Variants in MEF2C observed in about 807,000 individuals in gnomAD.
The protein encoded by MEF2C is myocyte enhancer factor 2C.
Under a neutral mutation model 50.5 loss-of-function variants are expected in MEF2C, and 6 were observed. That is an observed-to-expected ratio of 0.12 (90% CI 0.07 to 0.23). The LOEUF (loss-of-function observed/expected upper bound fraction) is 0.23, where lower values mean the gene tolerates loss of function less well. Ranked by LOEUF, MEF2C falls within the 10% of genes least tolerant of loss-of-function variation. The pLI, the probability that MEF2C is intolerant of heterozygous loss-of-function variation, is 1.00. For synonymous variants in MEF2C, 183 were observed against 228.0 expected (o/e 0.80, Z 1.78); for missense variants, 276 against 605.0 (o/e 0.46, Z 5.70).
chr5:88,794,634 T>G (rs1355129623), intron 3 of MEF2C, among the ~76,000 whole-genome samples: 1 of 152,196 alleles, frequency 6.6e-6, no homozygotes, highest in African/African-American at 2.4e-5. Context: ...GTGCAGAAGC[T>G]CTTTAGTTTA....
upstream of MEF2C, among the ~76,000 whole-genome samples, chr5:88,885,582 T>C (rs1833977505): frequency 6.6e-6 from 1 of 152,228 alleles, no homozygotes; most frequent in South Asian, 2.1e-4. Flanking sequence ...AACATCTGTA[T>C]CAGGTTTCCA....
At chr5:88,872,240 A>G (rs1829750034) in intron 1 of MEF2C, among the ~76,000 whole-genome samples, 1 of 152,066 alleles carries the variant, frequency 6.6e-6, no homozygotes, top group Non-Finnish European at 1.5e-5. Context: ...CTGTACATGA[A>G]ACATTTCCTC....
intron 1 of MEF2C, among the ~76,000 whole-genome samples, chr5:88,874,814 AT>A (rs1344121524): frequency 5.9e-5 from 9 of 151,986 alleles, no homozygotes; most frequent in African/African-American, 1.9e-4. Flanking sequence ...TTTATACACT[AT>A]TCATATACTG....
chr5:88,752,695 C>G (rs1247528599), intron 4 of MEF2C: 1 of 985,258 alleles, frequency 1.0e-6, no homozygotes, highest in Admixed American at 6.1e-5. Flanking sequence ...TGACAAATGG[C>G]AAGACCTGTA....
At chr5:88,890,912 C>T (rs1426823190) in intron 1 of MEF2C, among the ~76,000 whole-genome samples, 1 of 152,176 alleles carries the variant, frequency 6.6e-6, no homozygotes, top group African/African-American at 2.4e-5. Context: ...AAGATAAGGT[C>T]CCCTAACAGG....
chr5:88,885,253 T>C (rs1437159886), upstream of MEF2C, among the ~76,000 whole-genome samples: 1 of 152,132 alleles, frequency 6.6e-6, no homozygotes, highest in Non-Finnish European at 1.5e-5. Context: ...TTGATGTGAG[T>C]AGCTTCTCTC....
intron 4 of MEF2C, among the ~76,000 whole-genome samples, chr5:88,754,801 T>G (rs1335810010): frequency 1.3e-5 from 2 of 152,240 alleles, no homozygotes; most frequent in African/African-American, 2.4e-5. Context: ...GTGAGGGCTC[T>G]CATCTTAGAA....
chr5:88,835,376 C>T (rs1814670922), intron 1 of MEF2C, among the ~76,000 whole-genome samples: 1 of 152,086 alleles, frequency 6.6e-6, no homozygotes, highest in African/African-American at 2.4e-5. Context: ...CAGTGTCTCA[C>T]AGTATTGGAA....
At chr5:88,901,046 A>G (rs1412556607) in intron 1 of MEF2C, among the ~76,000 whole-genome samples, 1 of 152,042 alleles carries the variant, frequency 6.6e-6, no homozygotes, top group Non-Finnish European at 1.5e-5. Flanking sequence ...ACATATTCTG[A>G]AAGTTCCTTT....
rs923228184 is a variant in MEF2C, at chr5:88,748,211, G to A, written c.637+859C>T. 7.1e-6 allele frequency: 7 copies of A among 982,282 alleles called. No homozygotes were observed. In the African/African-American group the frequency reaches 1.1e-4, roughly 15 times the overall value. The allele number at this position is 982,282 out of a possible 1,614,324, so 60.8% of individuals were successfully genotyped here. ...TTAGCAGGCTATTCTACTTGACCCT[G>A]GCAAAATATTTTAATTAGGCTATCC... On this transcript the variant is annotated intron_variant, in intron 6 of 10. Transcript: ENST00000504921.
rs146366129 is a variant in MEF2C, at chr5:88,762,656, G to C, written c.259-1328C>G. Among the ~76,000 whole-genome samples, 464 of 151,912 alleles carry C rather than the reference G, an allele frequency of 3.1e-3. 7 individuals carry two copies. The highest frequency in any genetic ancestry group is 0.011 in the African/African-American group (447 of 41,438). Reference sequence around the variant, plus strand: ...ACAGAGATAATGTTATGTTTTTAGAGATCATAAAACTTCTGATTAATCATA... The same window carrying C: ...ACAGAGATAATGTTATGTTTTTAGACATCATAAAACTTCTGATTAATCATA... On this transcript the variant is annotated intron_variant, in intron 3 of 10. Transcript: ENST00000504921.
intron 1 of MEF2C, among the ~76,000 whole-genome samples, chr5:88,861,331 G>A (rs954012790): frequency 1.3e-5 from 2 of 152,196 alleles, no homozygotes; most frequent in African/African-American, 4.8e-5. Flanking sequence ...CAGGTTCCCT[G>A]GCATTGTTAC....
At chr5:88,785,263 C>T (rs1790276902) in intron 3 of MEF2C, 1 of 139,974 alleles carries the variant, frequency 7.1e-6, no homozygotes, top group Non-Finnish European at 1.5e-5. Flanking sequence ...AAAGCATTCC[C>T]ATTGCAAAAC....
intron 3 of MEF2C, chr5:88,772,436 G>T (rs1580430536): frequency 6.6e-6 from 1 of 152,422 alleles, no homozygotes. Flanking sequence ...GCTTGACCCT[G>T]GCCCACTTTT....
chr5:88,748,352 T>C (rs1471748947), intron 6 of MEF2C, among the ~76,000 whole-genome samples: 1 of 152,230 alleles, frequency 6.6e-6, no homozygotes, highest in East Asian at 1.9e-4. Flanking sequence ...GAAATTACCA[T>C]GGTTACTTGT....
intron 1 of MEF2C, among the ~76,000 whole-genome samples, chr5:88,893,331 T>A (rs867794063): frequency 5.4e-5 from 8 of 148,386 alleles, no homozygotes; most frequent in African/African-American, 1.5e-4. Flanking sequence ...TTTTTTTTTT[T>A]ATGGAGTCTT....
At chr5:88,840,123 C>T (rs1816794230) in intron 1 of MEF2C, among the ~76,000 whole-genome samples, 2 of 152,104 alleles carry the variant, frequency 1.3e-5, no homozygotes, top group African/African-American at 4.8e-5. Flanking sequence ...CACAAAGATT[C>T]CACCTCTCCT....
intron 3 of MEF2C, among the ~76,000 whole-genome samples, chr5:88,788,224 G>A (rs893903245): frequency 1.3e-5 from 2 of 148,496 alleles, no homozygotes; most frequent in African/African-American, 2.5e-5. Flanking sequence ...ACTGTGTCTC[G>A]CTCTGTCACC....
intron 1 of MEF2C, among the ~76,000 whole-genome samples, chr5:88,849,406 AAAT>A: frequency 6.6e-6 from 1 of 152,288 alleles, no homozygotes; most frequent in South Asian, 2.1e-4. Flanking sequence ...AAAAATAAAT[AAAT>A]AATAAGGTCA....
Sources: gnomAD v4.1 joint callset for allele counts (sites outside exome capture counted in the v4.1 genomes callset) on GRCh38, gnomAD v4.1.1 for gene constraint, MANE v1.5 for transcripts, NCBI Gene and HGNC (gene_info 2026-07-23, HGNC 2026-07-21) for gene names.